The following EFR3B variants were observed in gnomAD, a reference collection of about 807,000 sequenced individuals.
The protein encoded by EFR3B is EFR3 homolog B, also known as protein EFR3 homolog B.
A neutral mutation model predicts 104.7 loss-of-function variants in EFR3B; 64 were observed. That is an observed-to-expected ratio of 0.61 (90% CI 0.50 to 0.75). The LOEUF (loss-of-function observed/expected upper bound fraction) is 0.75. Ranked by LOEUF, EFR3B falls within the 30% of genes least tolerant of loss-of-function variation. The pLI, the probability that EFR3B is intolerant of heterozygous loss-of-function variation, is 0.00. For missense variants in EFR3B, 750 were observed against 1,078.5 expected, an observed-to-expected ratio of 0.70 and a Z score of 4.27; for synonymous variants, 385 against 417.9, an observed-to-expected ratio of 0.92 and a Z score of 0.96.
At chr2:25,051,015 C>A (rs541406123) in intron 1 of EFR3B, among the ~76,000 whole-genome samples, 2 of 152,178 alleles carry the variant, frequency 1.3e-5, no homozygotes, top group African/African-American at 4.8e-5. Flanking sequence ...TGACTGATTC[C>A]CCTCGGTGAA....
intron 6 of EFR3B, among the ~76,000 whole-genome samples, chr2:25,129,067 T>G (rs945219116): frequency 6.7e-6 from 1 of 149,488 alleles, no homozygotes; most frequent in African/African-American, 2.4e-5. Flanking sequence ...TGTTGCTTCC[T>G]GATGCTATTT....
Position 25,141,377 on chromosome 2 carries a change from C to G in EFR3B, c.1866C>G (p.Thr622=). ...CTCCCAACCGCCAGGTGATAGAGACCAGGAAGAAAGAGGCTCCATACATGC... is the reference window on the plus strand; with the variant it reads ...CTCCCAACCGCCAGGTGATAGAGACGAGGAAGAAAGAGGCTCCATACATGC... ...FCQHIHEVIE[T]RKKEAPYMLP... Residue 622 remains threonine (T), a synonymous_variant, in exon 17 of 23, where the codon ACC becomes ACG. Coordinates refer to ENST00000403714, the MANE Select transcript of EFR3B (RefSeq NM_014971.2). The G allele has an allele frequency of 6.4e-7, 1 of 1,551,452 alleles. No homozygotes were observed.
intron 1 of EFR3B, among the ~76,000 whole-genome samples, chr2:25,060,257 T>A (rs545907139): frequency 4.2e-4 from 64 of 152,340 alleles, no homozygotes; most frequent in Non-Finnish European, 6.8e-4. Context: ...CATAATTTTT[T>A]AAAAAAGTTT....
intron 1 of EFR3B, chr2:25,081,087 A>C (rs572901974): frequency 1.4e-6 from 1 of 707,714 alleles, no homozygotes; most frequent in Non-Finnish European, 2.6e-6. Flanking sequence ...TGACCTCTCC[A>C]TCCCTATTGC....
intron 12 of EFR3B, 26 bp from the exon 13 acceptor site, chr2:25,135,441 C>T (rs1670491031): frequency 6.5e-7 from 1 of 1,550,250 alleles, no homozygotes; most frequent in Admixed American, 2.0e-5. Flanking sequence ...CATTCCTAGG[C>T]ATAGCTGTCC....
At chr2:25,094,062 G>A (rs557862841) in intron 3 of EFR3B, among the ~76,000 whole-genome samples, 20 of 152,066 alleles carry the variant, frequency 1.3e-4, no homozygotes, top group African/African-American at 4.8e-4. Context: ...TGAGGTGGGA[G>A]GATCACTTGA....
chr2:25,109,417 G>C (rs1243193183), intron 4 of EFR3B, among the ~76,000 whole-genome samples: 1 of 152,218 alleles, frequency 6.6e-6, no homozygotes, highest in Non-Finnish European at 1.5e-5. Context: ...CATCATACTT[G>C]CTGGTGGAAA....
intron 4 of EFR3B, among the ~76,000 whole-genome samples, chr2:25,119,568 G>A (rs571975794): frequency 2.0e-5 from 3 of 152,334 alleles, no homozygotes; most frequent in East Asian, 1.9e-4. Context: ...TTGTGATCAC[G>A]TGGATTACCA....
At chr2:25,077,532 G>A (rs982844756) in intron 1 of EFR3B, among the ~76,000 whole-genome samples, 3 of 152,100 alleles carry the variant, frequency 2.0e-5, no homozygotes, top group Non-Finnish European at 2.9e-5. Flanking sequence ...CTCCTGATCC[G>A]CCTGCCTTGG....
intron 6 of EFR3B, among the ~76,000 whole-genome samples, chr2:25,129,319 CG>C (rs1357670015): frequency 4.7e-5 from 1 of 21,504 alleles, no homozygotes; most frequent in East Asian, 2.1e-3. Flanking sequence ...CTCGGGTCGA[CG>C]GGGGCGGGGG....
intron 1 of EFR3B, among the ~76,000 whole-genome samples, chr2:25,069,377 A>G (rs1476056613): frequency 6.6e-6 from 1 of 152,210 alleles, no homozygotes; most frequent in East Asian, 1.9e-4. Flanking sequence ...ATGCTAAAAT[A>G]AAGATTATTA....
At chr2:25,087,396 T>C (rs1668984408) in intron 1 of EFR3B, among the ~76,000 whole-genome samples, 1 of 151,894 alleles carries the variant, frequency 6.6e-6, no homozygotes, top group Admixed American at 6.6e-5. Context: ...CACACACATA[T>C]ATTCTTTATT....
intron 4 of EFR3B, among the ~76,000 whole-genome samples, chr2:25,105,085 A>G (rs1201337136): frequency 1.3e-5 from 2 of 152,174 alleles, no homozygotes; most frequent in Non-Finnish European, 2.9e-5. Flanking sequence ...TGAAGCTTTT[A>G]TCTATCTGCA....
intron 20 of EFR3B, 82 bp downstream of exon 20, chr2:25,149,824 ACAC>A: frequency 1.6e-6 from 2 of 1,271,646 alleles, no homozygotes; most frequent in Non-Finnish European, 2.2e-6. Flanking sequence ...GCAGCAGGAC[ACAC>A]CACCCTCCGC....
At chr2:25,060,836 G>T (rs1668171645) in intron 1 of EFR3B, among the ~76,000 whole-genome samples, 1 of 151,746 alleles carries the variant, frequency 6.6e-6, no homozygotes, top group Admixed American at 6.6e-5. Context: ...CAGGAGAATG[G>T]TGTGAACCCG....
intron 3 of EFR3B, 59 bp from the exon 4 acceptor site, chr2:25,103,578 T>A: frequency 1.3e-6 from 2 of 1,519,892 alleles, no homozygotes; most frequent in Non-Finnish European, 1.8e-6. Flanking sequence ...TTGCATGCCC[T>A]GGTTGGGCCA....
At chr2:25,080,008 C>G in intron 1 of EFR3B, 1 of 976,568 alleles carries the variant, frequency 1.0e-6, no homozygotes, top group East Asian at 2.4e-5. Flanking sequence ...TCGTCACAAG[C>G]AAGAATTTTA....
chr2:25,081,819 A>G, intron 1 of EFR3B: 2 of 328,778 alleles, frequency 6.1e-6, no homozygotes, highest in Non-Finnish European at 1.1e-5. Context: ...CAAAGGAAAT[A>G]ATGTATCTCA....
In EFR3B at chr2:25,131,954, C is replaced by A. The variant is rs1670351903; in HGVS notation, c.1147+43C>A. On this transcript the variant is annotated intron_variant, in intron 10 of 22. Transcript: ENST00000403714. This position sits in a 1 kb window ranked among gnomAD's most constrained non-coding sequence, Gnocchi z 7.6. ...GCCGGGGCGGGGCGGGGCCGAGGCG[C>A]GGAGTGGGGAGGGGAGGGGAGGGAC... 2.0e-5 allele frequency: 2 copies of A among 100,808 alleles called. No homozygotes were observed. Among genetic ancestry groups the A allele is most frequent in the African/African-American group, 1.2e-4 (2 of 17,066 alleles). The allele number at this position is 100,808 out of a possible 1,614,324, so 6.2% of individuals were successfully genotyped here.
Sources: gnomAD v4.1 joint callset for allele counts (sites outside exome capture counted in the v4.1 genomes callset) on GRCh38, gnomAD v4.1.1 for gene constraint, Gnocchi (gnomAD v3.1) non-coding constraint, MANE v1.5 for transcripts, NCBI Gene and HGNC (gene_info 2026-07-23, HGNC 2026-07-21) for gene names.